Variants in QTMAN observed in about 807,000 individuals in gnomAD.
QTMAN encodes the protein queuosine-tRNA mannosyltransferase.
chr2:143,971,749 T>C, the QTMAN span, among the ~76,000 whole-genome samples: 1 of 152,154 alleles, frequency 6.6e-6, no homozygotes, highest in Non-Finnish European at 1.5e-5. Flanking sequence ...AAAATAGTTA[T>C]ATATCAGCAA....
At chr2:144,328,903 G>C in the QTMAN span, among the ~76,000 whole-genome samples, 1 of 152,118 alleles carries the variant, frequency 6.6e-6, no homozygotes, top group Non-Finnish European at 1.5e-5. Flanking sequence ...GAGATTCAAA[G>C]AATGGAGTGT....
the QTMAN span, among the ~76,000 whole-genome samples, chr2:144,182,871 TA>T: frequency 1.3e-5 from 1 of 74,786 alleles, no homozygotes; most frequent in South Asian, 3.1e-4. Flanking sequence ...AATATATATA[TA>T]TTATATATAT....
At chr2:144,122,733 C>T in the QTMAN span, among the ~76,000 whole-genome samples, 111 of 152,222 alleles carry the variant, frequency 7.3e-4, 1 homozygote, top group East Asian at 0.014. Context: ...TAAGTATTCA[C>T]GTATTTTATC....
At chr2:144,144,068 A>C in the QTMAN span, among the ~76,000 whole-genome samples, 1 of 151,912 alleles carries the variant, frequency 6.6e-6, no homozygotes, top group African/African-American at 2.4e-5. Context: ...CTCTCTCTCC[A>C]AGCTTGTCTA....
At chr2:144,073,799 AG>A in the QTMAN span, among the ~76,000 whole-genome samples, 2 of 152,230 alleles carry the variant, frequency 1.3e-5, no homozygotes, top group African/African-American at 4.8e-5. Flanking sequence ...CTTGATGGGG[AG>A]AACTTAGGAC....
At chr2:144,215,643 G>C in the QTMAN span, among the ~76,000 whole-genome samples, 2 of 152,074 alleles carry the variant, frequency 1.3e-5, no homozygotes, top group Non-Finnish European at 2.9e-5. Context: ...TTAATTCCAT[G>C]AATGATTTCA....
At chr2:144,144,888 T>C in the QTMAN span, among the ~76,000 whole-genome samples, 2 of 151,910 alleles carry the variant, frequency 1.3e-5, no homozygotes, top group African/African-American at 4.8e-5. Context: ...GTTGCAGTTA[T>C]GTGAATAGGA....
At chr2:144,019,329 G>T in the QTMAN span, among the ~76,000 whole-genome samples, 3 of 152,086 alleles carry the variant, frequency 2.0e-5, no homozygotes, top group African/African-American at 7.2e-5. Flanking sequence ...AACTGGGAAG[G>T]ACTGCAATGG....
the QTMAN span, among the ~76,000 whole-genome samples, chr2:144,050,080 T>C: frequency 6.6e-6 from 1 of 152,154 alleles, no homozygotes; most frequent in Non-Finnish European, 1.5e-5. Context: ...ATACCTAGAT[T>C]TCAAATTAAG....
the QTMAN span, among the ~76,000 whole-genome samples, chr2:143,996,716 T>C: frequency 1.8e-4 from 28 of 152,096 alleles, no homozygotes; most frequent in African/African-American, 6.8e-4. Flanking sequence ...AGAGGTTTAC[T>C]AGAGTTGCAT....
At chr2:144,070,334 G>C in the QTMAN span, among the ~76,000 whole-genome samples, 1 of 151,990 alleles carries the variant, frequency 6.6e-6, no homozygotes, top group East Asian at 1.9e-4. Flanking sequence ...GTGAGTAGGT[G>C]TTTAGGGACT....
the QTMAN span, among the ~76,000 whole-genome samples, chr2:144,175,853 C>A: frequency 6.6e-6 from 1 of 152,008 alleles, no homozygotes; most frequent in Admixed American, 6.6e-5. Flanking sequence ...TTAGCAGAAA[C>A]GTGGTTTCAC....
the QTMAN span, among the ~76,000 whole-genome samples, chr2:144,234,146 C>T: frequency 2.0e-5 from 3 of 152,214 alleles, no homozygotes; most frequent in Admixed American, 6.5e-5. Flanking sequence ...TTTAAGCCTT[C>T]ACAGAGAAAG....
At chr2:144,062,638 C>G in the QTMAN span, among the ~76,000 whole-genome samples, 27 of 152,246 alleles carry the variant, frequency 1.8e-4, no homozygotes, top group East Asian at 2.5e-3. Context: ...CTCTATGAAA[C>G]CGAAATATAA....
chr2:144,259,382 C>G, the QTMAN span, among the ~76,000 whole-genome samples: 2 of 152,158 alleles, frequency 1.3e-5, no homozygotes, highest in Non-Finnish European at 1.5e-5. Context: ...TGGTCTCAAA[C>G]TTCTGATCTC....
the QTMAN span, chr2:143,942,970 T>C: frequency 6.6e-6 from 1 of 152,258 alleles, no homozygotes. Flanking sequence ...ACACATGAAA[T>C]GTCACAAAGA....
chr2:144,214,844 T>C, the QTMAN span, among the ~76,000 whole-genome samples: 8 of 152,240 alleles, frequency 5.3e-5, no homozygotes, highest in African/African-American at 1.9e-4. Context: ...CTTTTAAATA[T>C]ATGCTCTTTG....
At chr2:143,978,474 C>T in the QTMAN span, among the ~76,000 whole-genome samples, 1 of 152,200 alleles carries the variant, frequency 6.6e-6, no homozygotes, top group East Asian at 1.9e-4. Context: ...GCAGTGATTT[C>T]CAATCTCACT....
the QTMAN span, among the ~76,000 whole-genome samples, chr2:144,205,591 A>T: frequency 6.6e-6 from 1 of 152,208 alleles, no homozygotes; most frequent in East Asian, 1.9e-4. Context: ...ACAAGGAAGA[A>T]GGGCCGTTAA....
Sources: allele counts gnomAD v4.1 joint callset (sites outside exome capture counted in the v4.1 genomes callset), GRCh38; gene constraint gnomAD v4.1.1; transcripts MANE v1.5; gene names NCBI Gene and HGNC (gene_info 2026-07-23, HGNC 2026-07-21).